The following SUMF1 variants were observed in gnomAD, a reference collection of about 807,000 sequenced individuals.
SUMF1 encodes the protein formylglycine-generating enzyme.
Under a neutral mutation model 47.6 loss-of-function variants are expected in SUMF1, and 48 were observed. That is an observed-to-expected ratio of 1.01 (90% confidence interval 0.80 to 1.28). The LOEUF (loss-of-function observed/expected upper bound fraction) is 1.28, where lower values mean the gene tolerates loss of function less well. Among genes scored for constraint, SUMF1 ranks in the 50% most tolerant of loss-of-function variants. The pLI is 0.00. For synonymous variants in SUMF1, 230 were observed against 192.1 expected (o/e 1.20, Z -1.63); for missense variants, 571 against 485.4 (o/e 1.18, Z -1.66).
intron 8 of SUMF1, among the ~76,000 whole-genome samples, chr3:4,274,787 A>T (rs537340162): frequency 6.6e-6 from 1 of 152,182 alleles, no homozygotes; most frequent in Non-Finnish European, 1.5e-5. Flanking sequence ...ATCTAGACTG[A>T]CAGAAAAAAC....
rs1247498705 is a variant in SUMF1 at position 4,376,390 on chromosome 3, C to A, written c.955-1G>T. 1 of 1,614,026 alleles carries A rather than the reference C, an allele frequency of 6.2e-7. No homozygotes were observed. Among genetic ancestry groups the A allele is most frequent in the African/African-American group, 1.3e-5 (1 of 74,936 alleles). On this transcript the variant is annotated splice_acceptor_variant, in intron 7 of 8. Transcript: ENST00000272902. LOFTEE classifies it high-confidence loss of function. The stretch of plus-strand genomic sequence containing the variant: ...GGTCTTTCCCAGAAGGGGGACCTTT[C>A]TACAGATGAAGAAAAAAGGCTATGT...
At position 4,217,514 on chromosome 3, in the gene SUMF1, T is replaced by TATATATATATATATATA. The variant is rs1553610066; in HGVS notation, c.1015-148770_1015-148769insTATATATATATATATAT. On this transcript the variant is annotated intron_variant and NMD_transcript_variant, in intron 8 of 12. Transcript: ENST00000448413. ...TGTATCCCAGAACTTAAAGTATTTT[T>TATATATATATATATATA]TATATATATATATATATATATATAT... Among the ~76,000 whole-genome samples, 41 of 45,170 alleles carry TATATATATATATATATA rather than the reference T, an allele frequency of 9.1e-4. 3 individuals are homozygous for TATATATATATATATATA. Among genetic ancestry groups the TATATATATATATATATA allele is most frequent in the African/African-American group, 3.8e-3 (37 of 9,612 alleles). 29.6% of individuals were successfully genotyped at this position (45,170 alleles called of 152,430 possible).
intron 8 of SUMF1, among the ~76,000 whole-genome samples, chr3:4,090,187 T>C (rs1020036407): frequency 1.3e-5 from 2 of 152,106 alleles, no homozygotes; most frequent in East Asian, 1.9e-4. Flanking sequence ...CCTCGAATAA[T>C]GCTGCTTCAT....
chr3:4,461,352 A>G (rs1383471834), intron 1 of SUMF1, among the ~76,000 whole-genome samples: 4 of 152,228 alleles, frequency 2.6e-5, no homozygotes, highest in Non-Finnish European at 4.4e-5. Flanking sequence ...GAAAAATTGA[A>G]GACATCAGAC....
intron 8 of SUMF1, among the ~76,000 whole-genome samples, chr3:4,244,250 C>A (rs1696609851): frequency 6.6e-6 from 1 of 152,156 alleles, no homozygotes; most frequent in East Asian, 1.9e-4. Context: ...GCATTTAGCC[C>A]ATTTACATTA....
downstream of SUMF1, among the ~76,000 whole-genome samples, chr3:4,360,956 G>C (rs1699737061): frequency 6.6e-6 from 1 of 152,192 alleles, no homozygotes; most frequent in African/African-American, 2.4e-5. Context: ...GCAAGGTCAT[G>C]ATAGGGTTAC....
At chr3:4,142,874 A>T (rs1347260077) in intron 8 of SUMF1, among the ~76,000 whole-genome samples, 1 of 152,056 alleles carries the variant, frequency 6.6e-6, no homozygotes, top group Non-Finnish European at 1.5e-5. Context: ...CATCTCAAAG[A>T]CTTTCTAGCT....
At chr3:4,171,774 A>C (rs1694837910) in intron 8 of SUMF1, among the ~76,000 whole-genome samples, 1 of 152,132 alleles carries the variant, frequency 6.6e-6, no homozygotes, top group Non-Finnish European at 1.5e-5. Context: ...CATGCTACAC[A>C]CAGGAACAGC....
chr3:4,178,025 G>A (rs1695005285), intron 8 of SUMF1, among the ~76,000 whole-genome samples: 1 of 152,064 alleles, frequency 6.6e-6, no homozygotes, highest in African/African-American at 2.4e-5. Context: ...CCAATAACAG[G>A]CTCTGAAATT....
chr3:4,283,964 C>A (rs1428555446), intron 8 of SUMF1, among the ~76,000 whole-genome samples: 1 of 152,190 alleles, frequency 6.6e-6, no homozygotes, highest in African/African-American at 2.4e-5. Context: ...GATCTGCTCT[C>A]ATCACCTAAT....
intron 8 of SUMF1, among the ~76,000 whole-genome samples, chr3:4,225,986 A>T (rs1331171026): frequency 6.6e-6 from 1 of 152,064 alleles, no homozygotes; most frequent in Non-Finnish European, 1.5e-5. Flanking sequence ...GCAGAAACAG[A>T]ATAGGAGGAG....
At chr3:4,167,205 A>C (rs1247728777) in intron 8 of SUMF1, among the ~76,000 whole-genome samples, 1 of 152,062 alleles carries the variant, frequency 6.6e-6, no homozygotes, top group African/African-American at 2.4e-5. Context: ...GAGCAGCCGC[A>C]AGATTTATTG....
At chr3:4,305,822 T>C (rs770927141) in intron 8 of SUMF1, among the ~76,000 whole-genome samples, 1 of 152,006 alleles carries the variant, frequency 6.6e-6, no homozygotes, top group Non-Finnish European at 1.5e-5. Flanking sequence ...CCTCAAAGAG[T>C]AGAATAAGAT....
At chr3:4,085,179 T>G (rs778199844) in intron 8 of SUMF1, among the ~76,000 whole-genome samples, 2 of 152,066 alleles carry the variant, frequency 1.3e-5, no homozygotes, top group African/African-American at 4.8e-5. Context: ...TTAAATGTAA[T>G]GAGATGAAGA....
At chr3:4,303,951 GT>G (rs1698068221) in intron 8 of SUMF1, 14 of 1,005,062 alleles carry the variant, frequency 1.4e-5, no homozygotes, top group Non-Finnish European at 1.8e-5. Context: ...CTTAGCTGTG[GT>G]CTCCCTCACG....
chr3:4,346,308 C>A (rs1164490143), intron 8 of SUMF1, among the ~76,000 whole-genome samples: 2 of 152,134 alleles, frequency 1.3e-5, no homozygotes, highest in Non-Finnish European at 2.9e-5. Flanking sequence ...TGCAAAAGAA[C>A]TGAAATCATA....
Position 4,131,450 on chromosome 3 carries a change from G to C in SUMF1, c.1015-62705C>G, listed in dbSNP as rs112555999. Among the ~76,000 whole-genome samples the C allele has an allele frequency of 2.6e-4, 40 of 152,254 alleles. 2 individuals are homozygous for C. The highest frequency in any genetic ancestry group is 9.4e-4 in the African/African-American group (39 of 41,542). On this transcript the variant is annotated intron_variant and NMD_transcript_variant, in intron 8 of 12. Coordinates refer to the SUMF1 transcript ENST00000448413. ...CACAATATGCAAGCACCACCCAAAA[G>C]TGGACAGCTGCACTACTACAGCCCC... is the stretch of plus-strand genomic sequence containing the variant.
At chr3:4,429,438 C>A (rs1443652385) in intron 3 of SUMF1, among the ~76,000 whole-genome samples, 1 of 152,138 alleles carries the variant, frequency 6.6e-6, no homozygotes, top group Non-Finnish European at 1.5e-5. Context: ...TATTTTTTCA[C>A]GCCTTACAAG....
chr3:4,233,081 G>C (rs1193435781), intron 8 of SUMF1, among the ~76,000 whole-genome samples: 3 of 152,126 alleles, frequency 2.0e-5, no homozygotes, highest in African/African-American at 7.2e-5. Context: ...GTTTTCAATA[G>C]TGAATGCAAA....
Sources: allele counts gnomAD v4.1 joint callset (sites outside exome capture counted in the v4.1 genomes callset), GRCh38; gene constraint gnomAD v4.1.1; transcripts MANE v1.5; gene names NCBI Gene and HGNC (gene_info 2026-07-23, HGNC 2026-07-21).